Variants in CDC42BPA observed in about 807,000 individuals in gnomAD.
CDC42BPA encodes the protein serine/threonine-protein kinase MRCK alpha.
Under a neutral mutation model 223.5 loss-of-function variants are expected in CDC42BPA, and 80 were observed. The observed-to-expected ratio is 0.36, with a 90% confidence interval of 0.30 to 0.43. The LOEUF is 0.43. CDC42BPA is among the 20% of genes least tolerant of loss of function. CDC42BPA has a pLI of 1.00. For synonymous variants in CDC42BPA, 694 were observed against 718.6 expected, an observed-to-expected ratio of 0.97 and a Z score of 0.55; for missense variants, 1,743 against 2,099.9, an observed-to-expected ratio of 0.83 and a Z score of 3.32.
In CDC42BPA at chr1:227,110,430, T is replaced by C. The variant is rs941378927; in HGVS notation, c.2001+1882A>G. ...GTGTTTGGCAAGTAGGTAAACATGA[T>C]ACAGAGTCTCCAATGAAGTAATGTT... On this transcript the variant is annotated intron_variant, in intron 14 of 36. Transcript: ENST00000366766. Among the ~76,000 whole-genome samples the C allele has an allele frequency of 2.6e-5, 4 of 152,302 alleles. No individual in the cohort carries two copies. In the East Asian group the frequency reaches 5.8e-4, roughly 22 times the overall value.
intron 11 of CDC42BPA, among the ~76,000 whole-genome samples, chr1:227,126,866 C>T (rs2149490068): frequency 6.6e-6 from 1 of 152,230 alleles, no homozygotes; most frequent in Admixed American, 6.5e-5. Flanking sequence ...GATTAAGAAG[C>T]TAGAATGTTC....
intron 2 of CDC42BPA, among the ~76,000 whole-genome samples, chr1:227,251,277 A>G (rs1441518739): frequency 2.6e-5 from 4 of 152,182 alleles, no homozygotes; most frequent in African/African-American, 9.7e-5. Context: ...TTGGCAAAAT[A>G]TAAATTTACC....
intron 22 of CDC42BPA, among the ~76,000 whole-genome samples, chr1:227,051,173 T>C (rs765676571): frequency 3.0e-4 from 46 of 152,350 alleles, no homozygotes; most frequent in Non-Finnish European, 6.2e-4. Context: ...ATTGGAATGC[T>C]AGACACAGCT....
chr1:227,058,247 T>C (rs1222329756), intron 21 of CDC42BPA, among the ~76,000 whole-genome samples: 1 of 152,238 alleles, frequency 6.6e-6, no homozygotes, highest in African/African-American at 2.4e-5. Flanking sequence ...TATTCATTAT[T>C]AAGCTGTAAT....
At chr1:227,112,994 A>G in intron 12 of CDC42BPA, 81 bp from the exon 13 acceptor site, 3 of 1,342,330 alleles carry the variant, frequency 2.2e-6, no homozygotes, top group Non-Finnish European at 3.1e-6. Context: ...GCTATCATTA[A>G]GTCAAGAAGA....
chr1:227,104,754 A>G (rs1685617615), intron 14 of CDC42BPA, among the ~76,000 whole-genome samples: 1 of 152,074 alleles, frequency 6.6e-6, no homozygotes, highest in Admixed American at 6.6e-5. Flanking sequence ...CACAGGGAGA[A>G]CTCCATGTGA....
At chr1:227,002,358 A>AT (rs1311050891) in intron 35 of CDC42BPA, among the ~76,000 whole-genome samples, 4 of 152,206 alleles carry the variant, frequency 2.6e-5, no homozygotes, top group Admixed American at 6.5e-5. Context: ...ACTTGGCAAG[A>AT]TTTTTTCATT....
intron 21 of CDC42BPA, among the ~76,000 whole-genome samples, chr1:227,054,300 G>A (rs2148893783): frequency 6.6e-6 from 1 of 152,306 alleles, no homozygotes; most frequent in South Asian, 2.1e-4. Context: ...AGTATTTGCT[G>A]TTTGCAATAG....
intron 1 of CDC42BPA, among the ~76,000 whole-genome samples, chr1:227,270,275 T>G (rs1381322530): frequency 6.6e-6 from 1 of 152,136 alleles, no homozygotes; most frequent in African/African-American, 2.4e-5. Context: ...AGTAAATGCA[T>G]AGGAAGAGGG....
chr1:227,303,149 CGAG>C (rs1691956887), intron 1 of CDC42BPA, among the ~76,000 whole-genome samples: 1 of 152,156 alleles, frequency 6.6e-6, no homozygotes, highest in African/African-American at 2.4e-5. Flanking sequence ...TATTTAATTA[CGAG>C]AACTAAAACA....
intron 4 of CDC42BPA, among the ~76,000 whole-genome samples, chr1:227,199,043 C>T (rs773586675): frequency 1.3e-5 from 2 of 151,956 alleles, no homozygotes; most frequent in African/African-American, 4.8e-5. Flanking sequence ...CCACCGCATC[C>T]GGCCTATTTA....
chr1:227,114,550 T>G (rs1044333024), intron 12 of CDC42BPA, among the ~76,000 whole-genome samples: 6 of 151,566 alleles, frequency 4.0e-5, no homozygotes, highest in Admixed American at 3.3e-4. Flanking sequence ...AATGTGTATA[T>G]AAGATTATAC....
rs758355591 is a variant in CDC42BPA, at chr1:227,080,864, C to T, written c.2480+29G>A. 5 of 1,611,768 alleles carry T rather than the reference C, an allele frequency of 3.1e-6. No individual in the cohort carries two copies. The South Asian group carries it at 3.3e-5, about 11-fold the overall frequency. ...ACTTGGCCACATACTCACAATCATCCACAAAAAAACGTTTAAAAGAGCACT... is the reference window on the plus strand; with the variant it reads ...ACTTGGCCACATACTCACAATCATCTACAAAAAAACGTTTAAAAGAGCACT... On this transcript the variant is annotated intron_variant, in intron 17 of 36. Coordinates refer to ENST00000366766, the MANE Select transcript of CDC42BPA (RefSeq NM_001394014.1).
chr1:227,168,911 C>G (rs1040126161), intron 5 of CDC42BPA, among the ~76,000 whole-genome samples: 1 of 152,064 alleles, frequency 6.6e-6, no homozygotes, highest in Non-Finnish European at 1.5e-5. Flanking sequence ...CCTTCTTGAT[C>G]TCAAAGTACA....
intron 1 of CDC42BPA, among the ~76,000 whole-genome samples, chr1:227,282,673 A>G (rs1338674269): frequency 1.3e-5 from 2 of 152,246 alleles, no homozygotes; most frequent in African/African-American, 4.8e-5. Context: ...GCACAGCTCT[A>G]CCTTACTCTT....
In CDC42BPA at chr1:227,297,967, T is replaced by TATATACACACACACAC. The variant is rs369403944; in HGVS notation, c.178+19037_178+19038insGTGTGTGTGTGTATAT. On this transcript the variant is annotated intron_variant, in intron 1 of 36. Coordinates refer to ENST00000366766, the MANE Select transcript of CDC42BPA (RefSeq NM_001394014.1). ...GTGTGTGTGTGTGTATATATACATA[T>TATATACACACACACAC]ACACACACACACACATATATACATA... 8.0e-3 allele frequency among the ~76,000 whole-genome samples: 1,062 copies of TATATACACACACACAC among 132,056 alleles called. 19 individuals carry two copies. Among genetic ancestry groups the TATATACACACACACAC allele is most frequent in the African/African-American group, 0.029 (992 of 34,196 alleles). The allele number at this position is 132,056 out of a possible 152,430, so 86.6% of individuals were successfully genotyped here.
rs1010472020 is a variant in CDC42BPA, at chr1:227,129,175, C to T, written c.1447G>A (p.Ala483Thr). Residue 483 changes from alanine to threonine, a missense_variant, in exon 11 of 37, where the codon GCA (alanine) becomes ACA (threonine). Physicochemically the swap from Ala to Thr is moderately conservative, Grantham distance 58. Around this residue, in one of 6 missense-constraint regions of CDC42BPA, gnomAD observed 464 missense variants for 488.0 expected, o/e 0.95. Transcript: ENST00000366766. The stretch of plus-strand genomic sequence containing the variant: ...TTTTTTATTTCTAAATCTTTGCTTG[C>T]TGTTAGTGGACCATCAACAGTTGAA... ...QYSTVDGPLT[A>T]SKDLEIKNLK... 1.9e-6 allele frequency: 3 copies of T among 1,580,544 alleles called. No homozygotes were observed. The highest frequency in any genetic ancestry group is 1.1e-5 in the South Asian group (1 of 88,920).
At chr1:227,133,113 C>T (rs1328307154) in intron 10 of CDC42BPA, among the ~76,000 whole-genome samples, 2 of 150,040 alleles carry the variant, frequency 1.3e-5, no homozygotes, top group Non-Finnish European at 3.0e-5. Context: ...GCCCGGCCAG[C>T]CGCCCTGTCC....
In CDC42BPA at chr1:227,318,113, C is replaced by G. The variant is rs1186844527; in HGVS notation, c.-931G>C. 1.5e-4 allele frequency: 11 copies of G among 71,394 alleles called. No individual in the cohort carries two copies. The African/African-American group carries it at 7.2e-3, about 47-fold the overall frequency. The allele number at this position is 71,394 out of a possible 1,614,324, so 4.4% of individuals were successfully genotyped here. A position where few individuals can be genotyped will look rare whatever the true frequency, so the allele number is the denominator to read the frequency against. On this transcript the variant is annotated 5_prime_UTR_variant, in exon 1 of 37. Transcript: ENST00000366766. ...CAGAGAGCCCGGTCTCCCCGACACC[C>G]GCACCGGGCCGCCGCGCCGGAGGCT...
Sources: gnomAD v4.1 joint callset for allele counts (sites outside exome capture counted in the v4.1 genomes callset) on GRCh38, gnomAD v4.1.1 for gene constraint, gnomAD v4.1.1 regional missense constraint, MANE v1.5 for transcripts, NCBI Gene and HGNC (gene_info 2026-07-23, HGNC 2026-07-21) for gene names.